The following MB21D2 variants were observed in gnomAD, a reference collection of about 807,000 sequenced individuals.
The protein encoded by MB21D2 is nucleotidyltransferase MB21D2.
In MB21D2, 9 loss-of-function variants were observed where a neutral mutation model predicts 33.3. That is an observed-to-expected ratio of 0.27 (90% CI 0.16 to 0.47). The LOEUF (loss-of-function observed/expected upper bound fraction) is 0.47. Ranked by LOEUF, MB21D2 falls within the 20% of genes least tolerant of loss-of-function variation. MB21D2 has a pLI of 0.99. For missense variants in MB21D2, 540 were observed against 624.6 expected, an observed-to-expected ratio of 0.86 and a Z score of 1.44; for synonymous variants, 241 against 236.3, an observed-to-expected ratio of 1.02 and a Z score of -0.18.
chr3:192,888,840 T>G (rs920600908), intron 1 of MB21D2, among the ~76,000 whole-genome samples: 22 of 152,082 alleles, frequency 1.4e-4, no homozygotes, highest in Admixed American at 7.9e-4. Flanking sequence ...AGCAGAATGA[T>G]GTAAAGGAGA....
At chr3:192,815,505 A>G (rs1711901805) in intron 1 of MB21D2, among the ~76,000 whole-genome samples, 1 of 152,226 alleles carries the variant, frequency 6.6e-6, no homozygotes, top group East Asian at 1.9e-4. Flanking sequence ...CCTCTCTCTC[A>G]ATTTCAAAGC....
chr3:192,868,282 C>T (rs1713212546), intron 1 of MB21D2, among the ~76,000 whole-genome samples: 1 of 152,178 alleles, frequency 6.6e-6, no homozygotes, highest in Non-Finnish European at 1.5e-5. Flanking sequence ...ATTGGACTCT[C>T]ATTGTCTGAC....
At chr3:192,850,925 C>T (rs1038185528) in intron 1 of MB21D2, among the ~76,000 whole-genome samples, 13 of 152,142 alleles carry the variant, frequency 8.5e-5, no homozygotes, top group African/African-American at 2.2e-4. Context: ...CAGTGTGTGG[C>T]GGGAAGAGTA....
At chr3:192,885,234 C>A (rs1270418214) in intron 1 of MB21D2, among the ~76,000 whole-genome samples, 1 of 152,124 alleles carries the variant, frequency 6.6e-6, no homozygotes, top group African/African-American at 2.4e-5. Flanking sequence ...AGACAACCTG[C>A]ATAAATTGCA....
intron 1 of MB21D2, among the ~76,000 whole-genome samples, chr3:192,854,583 C>T (rs868498745): frequency 2.6e-5 from 4 of 152,218 alleles, no homozygotes; most frequent in Non-Finnish European, 5.9e-5. Context: ...CAGTAAACAG[C>T]GTTTCAATGG....
intron 1 of MB21D2, among the ~76,000 whole-genome samples, chr3:192,870,294 A>G (rs908114366): frequency 6.6e-6 from 1 of 152,204 alleles, no homozygotes; most frequent in Non-Finnish European, 1.5e-5. Context: ...CTGTAAAAGG[A>G]TTAAATAAGC....
chr3:192,827,688 T>C (rs1299529688), intron 1 of MB21D2, among the ~76,000 whole-genome samples: 1 of 149,476 alleles, frequency 6.7e-6, no homozygotes, highest in African/African-American at 2.5e-5. Context: ...AACAAGATGT[T>C]GGTGTTTATC....
At chr3:192,844,839 C>G (rs1231020164) in intron 1 of MB21D2, among the ~76,000 whole-genome samples, 1 of 152,208 alleles carries the variant, frequency 6.6e-6, no homozygotes, top group Admixed American at 6.5e-5. Context: ...AAAGAGAAAC[C>G]TGAATAAGCC....
At chr3:192,890,717 T>C (rs1034191175) in intron 1 of MB21D2, among the ~76,000 whole-genome samples, 1 of 152,010 alleles carries the variant, frequency 6.6e-6, no homozygotes, top group African/African-American at 2.4e-5. Context: ...TTAAAAACCT[T>C]TGAAACAAAC....
At chr3:192,856,335 G>C (rs916543967) in intron 1 of MB21D2, among the ~76,000 whole-genome samples, 4 of 152,258 alleles carry the variant, frequency 2.6e-5, no homozygotes, top group African/African-American at 9.6e-5. Flanking sequence ...ACCTTGAGCA[G>C]ATCACTTCAC....
chr3:192,874,100 C>T (rs1213420100), intron 1 of MB21D2, among the ~76,000 whole-genome samples: 4 of 152,134 alleles, frequency 2.6e-5, no homozygotes, highest in African/African-American at 9.7e-5. Flanking sequence ...AGACCAAAGA[C>T]GGGTACAAGA....
chr3:192,897,277 G>A (rs1330307436), intron 1 of MB21D2, among the ~76,000 whole-genome samples: 2 of 152,120 alleles, frequency 1.3e-5, no homozygotes, highest in African/African-American at 4.8e-5. Context: ...CTTGTTCAAG[G>A]TCATCAAACC....
At chr3:192,888,696 C>T (rs546181745) in intron 1 of MB21D2, among the ~76,000 whole-genome samples, 20 of 152,158 alleles carry the variant, frequency 1.3e-4, no homozygotes, top group East Asian at 5.8e-4. Context: ...GAGGTGAGCA[C>T]GAAGCAGTTT....
intron 1 of MB21D2, among the ~76,000 whole-genome samples, chr3:192,885,080 G>A (rs1713703551): frequency 6.6e-6 from 1 of 152,048 alleles, no homozygotes; most frequent in Non-Finnish European, 1.5e-5. Context: ...ACAAAAATTG[G>A]TTCTGTGAGG....
chr3:192,801,176 CAT>C (rs919589722), intron 1 of MB21D2, among the ~76,000 whole-genome samples: 2 of 152,250 alleles, frequency 1.3e-5, no homozygotes, highest in East Asian at 1.9e-4. Context: ...ATGGAATTAA[CAT>C]AAATTCTTAA....
chr3:192,808,017 T>A (rs1375367141), intron 1 of MB21D2, among the ~76,000 whole-genome samples: 1 of 151,980 alleles, frequency 6.6e-6, no homozygotes, highest in Non-Finnish European at 1.5e-5. Flanking sequence ...CCCAGATGGG[T>A]AGAGCAAGCC....
chr3:192,831,592 A>G (rs1712315994), intron 1 of MB21D2, among the ~76,000 whole-genome samples: 1 of 152,226 alleles, frequency 6.6e-6, no homozygotes, highest in Non-Finnish European at 1.5e-5. Context: ...GAGCCATGGC[A>G]GTTCATCAAA....
intron 1 of MB21D2, among the ~76,000 whole-genome samples, chr3:192,887,617 G>A (rs1050673719): frequency 6.6e-6 from 1 of 152,000 alleles, no homozygotes; most frequent in African/African-American, 2.4e-5. Context: ...GTATATGGGG[G>A]TTCATTATAC....
chr3:192,882,226 A>G (rs549576102), intron 1 of MB21D2, among the ~76,000 whole-genome samples: 82 of 152,076 alleles, frequency 5.4e-4, no homozygotes, highest in South Asian at 4.8e-3. Context: ...CCTGGGTTCA[A>G]GCGATTCTCC....
Sources: allele counts gnomAD v4.1 joint callset (sites outside exome capture counted in the v4.1 genomes callset), GRCh38; gene constraint gnomAD v4.1.1; transcripts MANE v1.5; gene names NCBI Gene and HGNC (gene_info 2026-07-23, HGNC 2026-07-21).